The following LINGO2 variants were observed in gnomAD, a reference collection of about 807,000 sequenced individuals.
LINGO2 encodes the protein leucine-rich repeat and immunoglobulin-like domain-containing nogo receptor-interacting protein 2.
A neutral mutation model predicts 30.6 loss-of-function variants in LINGO2; 14 were observed. The observed-to-expected ratio is 0.46, with a 90% CI of 0.30 to 0.72. LINGO2 has a LOEUF of 0.72. Ranked by LOEUF, LINGO2 falls within the 30% of genes least tolerant of loss-of-function variation. The probability of loss-of-function intolerance (pLI) is 0.07; values close to 1 mark genes in which losing one functional copy is unlikely to be tolerated. For synonymous variants in LINGO2, 317 were observed against 288.5 expected (o/e 1.10, Z -1.00); for missense variants, 729 against 751.7 (o/e 0.97, Z 0.35).
chr9:29,186,823 G>A, the LINGO2 span, among the ~76,000 whole-genome samples: 16 of 152,074 alleles, frequency 1.1e-4, no homozygotes, highest in African/African-American at 2.9e-4. Context: ...AATGCCTACC[G>A]AATATAGCTG....
intron 1 of LINGO2, among the ~76,000 whole-genome samples, chr9:28,506,515 T>TATAGGTATATAG (rs368408569): frequency 9.9e-6 from 1 of 100,604 alleles, no homozygotes; most frequent in African/African-American, 3.7e-5. Flanking sequence ...CATATATATA[T>TATAGGTATATAG]ATATATAAAC....
chr9:28,052,235 A>G (rs1587773732), intron 4 of LINGO2, among the ~76,000 whole-genome samples: 1 of 152,142 alleles, frequency 6.6e-6, no homozygotes, highest in East Asian at 1.9e-4. Context: ...TTGACAAAGT[A>G]GGGAAGTGTT....
intron 1 of LINGO2, among the ~76,000 whole-genome samples, chr9:28,512,592 T>G (rs1162859402): frequency 0.048 from 78 of 1,634 alleles, 3 homozygotes; most frequent in East Asian, 0.24. Context: ...TATATATGTG[T>G]GTATATATAT....
chr9:28,777,272 T>C, the LINGO2 span, among the ~76,000 whole-genome samples: 1 of 152,122 alleles, frequency 6.6e-6, no homozygotes, highest in Non-Finnish European at 1.5e-5. Context: ...TGTTGAACAA[T>C]TGAGACTGAA....
At chr9:28,388,679 T>C (rs1333892071) in intron 2 of LINGO2, among the ~76,000 whole-genome samples, 3 of 152,212 alleles carry the variant, frequency 2.0e-5, no homozygotes, top group African/African-American at 7.2e-5. Flanking sequence ...TTCTCATCTG[T>C]GGTATGCCTA....
chr9:28,704,322 A>C, the LINGO2 span, among the ~76,000 whole-genome samples: 1 of 151,522 alleles, frequency 6.6e-6, no homozygotes, highest in Non-Finnish European at 1.5e-5. Flanking sequence ...GAGGTGAGGT[A>C]TTTTTTCTCC....
the LINGO2 span, among the ~76,000 whole-genome samples, chr9:29,183,442 G>A: frequency 6.6e-6 from 1 of 152,162 alleles, no homozygotes; most frequent in Non-Finnish European, 1.5e-5. Context: ...AGTGTCCACA[G>A]TACCTTCAAC....
At chr9:28,046,904 A>G (rs900772247) in intron 4 of LINGO2, among the ~76,000 whole-genome samples, 14 of 152,196 alleles carry the variant, frequency 9.2e-5, no homozygotes, top group African/African-American at 3.1e-4. Context: ...CACTACTTTA[A>G]AGAAATTGTT....
chr9:28,811,547 ATCT>A, the LINGO2 span, among the ~76,000 whole-genome samples: 7 of 152,136 alleles, frequency 4.6e-5, no homozygotes, highest in African/African-American at 1.7e-4. Flanking sequence ...TCATTTATGA[ATCT>A]TCTTCACACT....
At chr9:28,491,289 T>G (rs977054334) in intron 1 of LINGO2, among the ~76,000 whole-genome samples, 1 of 152,192 alleles carries the variant, frequency 6.6e-6, no homozygotes, top group Admixed American at 6.5e-5. Context: ...CCTCTTGGCA[T>G]TCTTTGGCTT....
the LINGO2 span, among the ~76,000 whole-genome samples, chr9:28,795,319 C>A: frequency 2.0e-5 from 3 of 152,206 alleles, no homozygotes; most frequent in East Asian, 5.8e-4. Context: ...TCAGTCTAAT[C>A]AGACAATAAG....
the LINGO2 span, among the ~76,000 whole-genome samples, chr9:29,179,892 A>G: frequency 6.6e-6 from 1 of 152,238 alleles, no homozygotes; most frequent in Non-Finnish European, 1.5e-5. Flanking sequence ...TTGCTATAAT[A>G]GGAACTTCTG....
At chr9:28,247,770 T>C (rs1822055857) in intron 4 of LINGO2, among the ~76,000 whole-genome samples, 2 of 152,040 alleles carry the variant, frequency 1.3e-5, no homozygotes, top group African/African-American at 4.8e-5. Flanking sequence ...AAAAAAAAAT[T>C]GAATATCCAA....
chr9:29,129,492 A>C, the LINGO2 span, among the ~76,000 whole-genome samples: 1 of 152,090 alleles, frequency 6.6e-6, no homozygotes, highest in African/African-American at 2.4e-5. Flanking sequence ...AAATTGTGGA[A>C]TTCTTCTCAA....
rs539596431 is a variant in LINGO2, at chr9:28,616,076, T to A, written c.-365+54124A>T. 7.2e-5 allele frequency among the ~76,000 whole-genome samples: 11 copies of A among 152,230 alleles called. No homozygotes were observed. The South Asian group carries it at 2.3e-3, about 32-fold the overall frequency. On this transcript the variant is annotated intron_variant, in intron 1 of 5. Coordinates refer to ENST00000379992, the Ensembl canonical transcript of LINGO2. Reference sequence around the variant, plus strand: ...GTTCCATTGATCTGGATGTGATTATTAATACATGGTATGTTCAATTTGTGA... The same window carrying A: ...GTTCCATTGATCTGGATGTGATTATAAATACATGGTATGTTCAATTTGTGA...
chr9:28,320,801 C>T (rs1158784146), intron 3 of LINGO2, among the ~76,000 whole-genome samples: 1 of 152,162 alleles, frequency 6.6e-6, no homozygotes, highest in Non-Finnish European at 1.5e-5. Flanking sequence ...TGCCAACTCC[C>T]TCAGACATCT....
the LINGO2 span, among the ~76,000 whole-genome samples, chr9:28,915,920 TGATAAACGGTCGC>T: frequency 6.6e-6 from 1 of 152,188 alleles, no homozygotes; most frequent in Non-Finnish European, 1.5e-5. Context: ...GTAAAATCTC[TGATAAACGGTCGC>T]GAATTTCTGG....
At chr9:28,327,355 C>T (rs1225366322) in intron 3 of LINGO2, among the ~76,000 whole-genome samples, 2 of 152,112 alleles carry the variant, frequency 1.3e-5, no homozygotes, top group African/African-American at 2.4e-5. Context: ...AGGAAGAAGT[C>T]CCGAAAAAAT....
chr9:28,793,814 C>A, the LINGO2 span, among the ~76,000 whole-genome samples: 1 of 152,194 alleles, frequency 6.6e-6, no homozygotes, highest in African/African-American at 2.4e-5. Flanking sequence ...CCTCCCAGAT[C>A]TGGTAATCCA....
Sources: allele counts gnomAD v4.1 joint callset (sites outside exome capture counted in the v4.1 genomes callset), GRCh38; gene constraint gnomAD v4.1.1; transcripts MANE v1.5; gene names NCBI Gene and HGNC (gene_info 2026-07-23, HGNC 2026-07-21).